Variants in ATP13A5 observed in about 807,000 individuals in gnomAD.
ATP13A5 encodes the protein ATPase 13A5, also known as probable cation-transporting ATPase 13A5.
ATP13A5 carries 149 observed loss-of-function variants against 150.2 expected under a neutral mutation model. That is an observed-to-expected ratio of 0.99 (90% CI 0.87 to 1.14). The LOEUF is 1.14. ATP13A5 is among the 50% of genes most tolerant of loss of function. ATP13A5 has a pLI of 0.00. For missense variants in ATP13A5, 1,383 were observed against 1,449.3 expected, an observed-to-expected ratio of 0.95 and a Z score of 0.74; for synonymous variants, 497 against 522.2, an observed-to-expected ratio of 0.95 and a Z score of 0.66.
At chr3:193,359,464 G>A (rs534965260) in intron 5 of ATP13A5, among the ~76,000 whole-genome samples, 1 of 152,136 alleles carries the variant, frequency 6.6e-6, no homozygotes, top group South Asian at 2.1e-4. Context: ...AACAGTTTCT[G>A]TCAGCTTGGA....
chr3:193,307,185 C>T lies in ATP13A5; in HGVS notation c.2568+142G>A, dbSNP rs73074725. ...TACTCCCCTCCGCTTCCAACCCACA[C>T]TCAGGTAGAGGTGGATATAAACAGC... is the stretch of plus-strand genomic sequence containing the variant. On this transcript the variant is annotated intron_variant, in intron 22 of 29. Coordinates refer to ENST00000342358, the MANE Select transcript of ATP13A5 (RefSeq NM_198505.4). 3.3e-3 allele frequency: 5,013 copies of T among 1,512,902 alleles called. 171 individuals carry two copies. In the African/African-American group the frequency reaches 0.061, roughly 19 times the overall value. The allele number at this position is 1,512,902 out of a possible 1,614,324, so 93.7% of individuals were successfully genotyped here. A position where few individuals can be genotyped will look rare whatever the true frequency, so the allele number is the denominator to read the frequency against.
At chr3:193,350,098 T>C (rs888014506) in intron 7 of ATP13A5, among the ~76,000 whole-genome samples, 2 of 152,048 alleles carry the variant, frequency 1.3e-5, no homozygotes, top group South Asian at 4.1e-4. Flanking sequence ...TTTATTTACT[T>C]GGTGAATTGC....
intron 3 of ATP13A5, 123 bp from the exon 4 acceptor site, chr3:193,362,760 TCTTTCTTTCTTTC>T (rs1470504717): frequency 7.8e-6 from 1 of 127,560 alleles, no homozygotes; most frequent in Non-Finnish European, 1.6e-5. Flanking sequence ...CTTCTTTCTT[TCTTTCTTTCTTTC>T]TTTCTTTCTT....
At chr3:193,330,114 T>A (rs73888265) in intron 12 of ATP13A5, among the ~76,000 whole-genome samples, 6,915 of 152,246 alleles carry the variant, frequency 0.045, 473 homozygotes, top group African/African-American at 0.14. Flanking sequence ...TGTACCCCTG[T>A]GCTTGTCAGC....
chr3:193,355,845 C>T (rs1428663984), intron 5 of ATP13A5, among the ~76,000 whole-genome samples: 1 of 152,204 alleles, frequency 6.6e-6, no homozygotes, highest in African/African-American at 2.4e-5. Context: ...TCCATTCTCT[C>T]TCCCTCTCTC....
At chr3:193,351,418 G>A (rs1031084039) in intron 6 of ATP13A5, among the ~76,000 whole-genome samples, 2 of 32,376 alleles carry the variant, frequency 6.2e-5, no homozygotes, top group East Asian at 5.4e-4. Flanking sequence ...TGCATTCAGA[G>A]CCATGCCCAC....
At chr3:193,340,840 G>C (rs1712091941) in intron 9 of ATP13A5, among the ~76,000 whole-genome samples, 1 of 152,226 alleles carries the variant, frequency 6.6e-6, no homozygotes, top group South Asian at 2.1e-4. Context: ...TCTGTCACTA[G>C]AATATCAGCT....
intron 7 of ATP13A5, among the ~76,000 whole-genome samples, chr3:193,346,508 G>C (rs1415583629): frequency 6.6e-6 from 1 of 152,106 alleles, no homozygotes; most frequent in Admixed American, 6.6e-5. Context: ...TTTGGATGTC[G>C]GTGACTTGGA....
chr3:193,324,850 AACTATC>A lies in ATP13A5; in HGVS notation c.1674+8_1674+13del. On this transcript the variant is annotated splice_region_variant and intron_variant, in intron 14 of 29. Transcript: ENST00000342358. ...TCCTCAGATTCTCATCTTTCCATTA[AACTATC>A]ACCTTACCCAGGCAGTGCCCTCAAA... The A allele has an allele frequency of 6.2e-7, 1 of 1,607,900 alleles. No individual in the cohort carries two copies. The highest frequency in any genetic ancestry group is 1.7e-4 in the Middle Eastern group (1 of 6,016).
intron 6 of ATP13A5, among the ~76,000 whole-genome samples, chr3:193,353,815 G>A (rs4687409): frequency 0.94 from 142,424 of 152,164 alleles, 66,738 homozygotes; most frequent in Middle Eastern, 0.98. Context: ...TGTTGTTTAA[G>A]CCACCCAATG....
At chr3:193,308,639 AT>A (rs1221038586) in intron 21 of ATP13A5, among the ~76,000 whole-genome samples, 2 of 152,156 alleles carry the variant, frequency 1.3e-5, no homozygotes, top group Admixed American at 6.5e-5. Context: ...CAAGAATCTT[AT>A]CATCTTCTAG....
chr3:193,322,607 T>C, intron 14 of ATP13A5, 33 bp from the exon 15 acceptor site: 1 of 1,412,238 alleles, frequency 7.1e-7, no homozygotes, highest in Non-Finnish European at 1.0e-6. Context: ...ATAAGATTCT[T>C]TGAATAAAAA....
At chr3:193,305,696 A>C (rs1485829942) in intron 22 of ATP13A5, 28 bp from the exon 23 acceptor site, 1 of 1,601,062 alleles carries the variant, frequency 6.2e-7, no homozygotes, top group African/African-American at 1.3e-5. Context: ...TGTCTCACCC[A>C]TGACTTTTCA....
intron 25 of ATP13A5, among the ~76,000 whole-genome samples, chr3:193,295,501 AT>A (rs1484322044): frequency 6.6e-6 from 1 of 151,994 alleles, no homozygotes; most frequent in Non-Finnish European, 1.5e-5. Flanking sequence ...TTCAACTTGC[AT>A]CTTATTTGTT....
At chr3:193,374,219 C>T (rs1441132991) in intron 1 of ATP13A5, among the ~76,000 whole-genome samples, 5 of 151,916 alleles carry the variant, frequency 3.3e-5, no homozygotes, top group Admixed American at 6.6e-5. Flanking sequence ...TCATTGAGAA[C>T]GTTCCAGCCT....
chr3:193,301,125 A>T, intron 24 of ATP13A5, 86 bp downstream of exon 24: 1 of 1,091,078 alleles, frequency 9.2e-7, no homozygotes, highest in Non-Finnish European at 1.4e-6. Context: ...ATAAAACATT[A>T]AATCTTGTAT....
At position 193,284,976 on chromosome 3, in the gene ATP13A5, T is replaced by C; in HGVS notation, c.3164A>G (p.Tyr1055Cys). Residue 1055 changes from tyrosine (Y) to cysteine (C), a missense_variant, in exon 27 of 30, where the codon TAT (tyrosine) becomes TGT (cysteine). Tyr to Cys is a radical substitution (Grantham distance 194, BLOSUM62 -2). This residue lies in a region of ATP13A5 where 568 missense variants were observed against 621.5 expected (regional missense o/e 0.91). Transcript: ENST00000342358. ...TTLWPITTIN[Y>C]ITVAFIFSKG... ...AGAAAAGATGAATGCTACTGTGATA[T>C]AGTTGATGGTGGTGATGGGCCACAG... 4 of 1,614,088 alleles carry C rather than the reference T, an allele frequency of 2.5e-6. No homozygotes were observed. Among genetic ancestry groups the C allele is most frequent in the Non-Finnish European group, 3.4e-6 (4 of 1,179,972 alleles).
chr3:193,375,918 G>A (rs113334394), intron 1 of ATP13A5, among the ~76,000 whole-genome samples: 11 of 152,184 alleles, frequency 7.2e-5, no homozygotes, highest in African/African-American at 2.7e-4. Flanking sequence ...TGCCTCGACT[G>A]TCTCTAATTT....
chr3:193,351,631 G>A (rs534167824), intron 6 of ATP13A5, among the ~76,000 whole-genome samples: 9 of 152,078 alleles, frequency 5.9e-5, no homozygotes, highest in Non-Finnish European at 1.2e-4. Flanking sequence ...GTCAAGTTGC[G>A]CAATGAAAAT....
Sources: gnomAD v4.1 joint callset for allele counts (sites outside exome capture counted in the v4.1 genomes callset) on GRCh38, gnomAD v4.1.1 for gene constraint, gnomAD v4.1.1 regional missense constraint, MANE v1.5 for transcripts, NCBI Gene and HGNC (gene_info 2026-07-23, HGNC 2026-07-21) for gene names.